Variants in NRXN1 observed in about 807,000 individuals in gnomAD.
NRXN1 encodes neurexin 1.
A neutral mutation model predicts 150.9 loss-of-function variants in NRXN1; 39 were observed. The observed-to-expected ratio is 0.26, with a 90% confidence interval of 0.20 to 0.34. The LOEUF is 0.34. NRXN1 is among the 10% of genes least tolerant of loss of function. The pLI is 1.00. For missense variants in NRXN1, 1,815 were observed against 1,949.9 expected (o/e 0.93, Z 1.30); for synonymous variants, 924 against 757.0 (o/e 1.22, Z -3.62).
chr2:51,028,266 GTCC>G lies in NRXN1; in HGVS notation c.5_7del (p.Gly2_Thr3delinsAla). ...ACAGCCCCCGCGCTGGAGCAGCGCC[GTCC>G]CCATGCTCGGGGCTGGGGTGCGGCG... On this transcript the variant is annotated inframe_deletion, in exon 2 of 23. Coordinates refer to ENST00000401669, the MANE Select transcript of NRXN1 (RefSeq NM_001330078.2). 1 of 1,447,288 alleles carries G rather than the reference GTCC, an allele frequency of 6.9e-7. No individual in the cohort carries two copies. The highest frequency in any genetic ancestry group is 1.5e-5 in the South Asian group (1 of 67,536). The allele number at this position is 1,447,288 out of a possible 1,614,324, so 89.7% of individuals were successfully genotyped here.
intron 17 of NRXN1, among the ~76,000 whole-genome samples, chr2:50,415,497 T>C (rs2083471264): frequency 6.6e-6 from 1 of 152,198 alleles, no homozygotes; most frequent in South Asian, 2.1e-4. Flanking sequence ...CCAACATTTC[T>C]AGCACACGCT....
intron 5 of NRXN1, among the ~76,000 whole-genome samples, chr2:50,721,050 C>T (rs1347480619): frequency 1.3e-5 from 2 of 152,254 alleles, no homozygotes; most frequent in East Asian, 1.9e-4. Flanking sequence ...ATGGATTTAT[C>T]CTGGAGCACT....
intron 17 of NRXN1, among the ~76,000 whole-genome samples, chr2:50,251,187 T>C (rs2067031043): frequency 6.6e-6 from 1 of 151,942 alleles, no homozygotes; most frequent in African/African-American, 2.4e-5. Context: ...TCTCTCCCCC[T>C]GGCTCCCTGA....
chr2:50,623,241 A>C, intron 6 of NRXN1, 73 bp downstream of exon 6: 1 of 1,191,396 alleles, frequency 8.4e-7, no homozygotes, highest in Non-Finnish European at 1.2e-6. Flanking sequence ...ATGTTGTTAG[A>C]GTATTTAAGT....
chr2:50,945,090 T>C (rs1022583652), intron 2 of NRXN1, among the ~76,000 whole-genome samples: 12 of 152,180 alleles, frequency 7.9e-5, no homozygotes, highest in Non-Finnish European at 1.5e-4. Context: ...GGCCAGATAG[T>C]AAATATTTTA....
intron 9 of NRXN1, chr2:50,548,134 G>A (rs1195507704): frequency 1.3e-5 from 2 of 152,180 alleles, no homozygotes; most frequent in Non-Finnish European, 2.9e-5. Flanking sequence ...TTCTTGTCAA[G>A]AGCACACTTA....
chr2:50,101,918 A>C (rs1193457012), intron 18 of NRXN1, among the ~76,000 whole-genome samples: 1 of 152,012 alleles, frequency 6.6e-6, no homozygotes, highest in Non-Finnish European at 1.5e-5. Context: ...ATCCCAAGAG[A>C]AAAGCTGACA....
At chr2:50,339,131 A>G (rs2077381507) in intron 17 of NRXN1, among the ~76,000 whole-genome samples, 1 of 152,210 alleles carries the variant, frequency 6.6e-6, no homozygotes, top group Non-Finnish European at 1.5e-5. Context: ...TCATGGCATC[A>G]TGGCAGAAGT....
chr2:50,036,801 C>T (rs565857108), intron 21 of NRXN1, among the ~76,000 whole-genome samples: 58 of 152,188 alleles, frequency 3.8e-4, no homozygotes, highest in African/African-American at 1.2e-3. Context: ...GTGATTAAAC[C>T]GGCCTTTTGG....
At chr2:50,315,360 A>C (rs1168894641) in intron 17 of NRXN1, among the ~76,000 whole-genome samples, 3 of 152,132 alleles carry the variant, frequency 2.0e-5, no homozygotes, top group Admixed American at 6.6e-5. Flanking sequence ...GAGACAATGG[A>C]AACCATATTT....
intron 2 of NRXN1, among the ~76,000 whole-genome samples, chr2:50,951,690 T>G (rs1691361605): frequency 6.6e-6 from 1 of 152,062 alleles, no homozygotes. Flanking sequence ...AGCTTCATAT[T>G]CATGCTTCTT....
In NRXN1 at chr2:50,768,362, G is replaced by T. The variant is rs573994398; in HGVS notation, c.833-144747C>A. On this transcript the variant is annotated intron_variant, in intron 5 of 22. Transcript: ENST00000401669. Reference sequence around the variant, plus strand: ...CTTGCTCTATTGTGCAGGCTGGAGCGCAGTGGCATGATCACGACTCACTGG... The same window carrying T: ...CTTGCTCTATTGTGCAGGCTGGAGCTCAGTGGCATGATCACGACTCACTGG... 7.2e-5 allele frequency among the ~76,000 whole-genome samples: 11 copies of T among 152,150 alleles called. 1 individual carries two copies. Among genetic ancestry groups the T allele is most frequent in the African/African-American group, 2.4e-4 (10 of 41,540 alleles).
chr2:50,309,004 G>C (rs978112820), intron 17 of NRXN1, among the ~76,000 whole-genome samples: 1 of 152,180 alleles, frequency 6.6e-6, no homozygotes, highest in South Asian at 2.1e-4. Context: ...GAGCTGCCCA[G>C]TAAATATTAG....
intron 19 of NRXN1, among the ~76,000 whole-genome samples, chr2:50,064,040 T>C (rs1230784200): frequency 1.3e-5 from 2 of 152,242 alleles, no homozygotes; most frequent in East Asian, 1.9e-4. Flanking sequence ...CACCATTGGA[T>C]TGTGAGAGGA....
rs55865684 is a variant in NRXN1 at position 50,329,578 on chromosome 2, A to AGTGTGTGTGTGT, written c.3365-92620_3365-92609dup. Among the ~76,000 whole-genome samples the AGTGTGTGTGTGT allele has an allele frequency of 4.6e-3, 155 of 33,948 alleles. 2 individuals are homozygous for AGTGTGTGTGTGT. Among genetic ancestry groups the AGTGTGTGTGTGT allele is most frequent in the East Asian group, 0.012 (8 of 646 alleles). The allele number at this position is 33,948 out of a possible 152,430, so 22.3% of individuals were successfully genotyped here. ...AGATTAAACTATCATATATAACAGT[A>AGTGTGTGTGTGT]GTGTGTGTGTGTGTGTGTGTGTGTG... On this transcript the variant is annotated intron_variant, in intron 17 of 22. Transcript: ENST00000401669.
intron 10 of NRXN1, among the ~76,000 whole-genome samples, chr2:50,535,642 A>T (rs2093238082): frequency 6.6e-6 from 1 of 152,218 alleles, no homozygotes; most frequent in South Asian, 2.1e-4. Flanking sequence ...GGAAGGCGCT[A>T]AATTTAACTT....
intron 17 of NRXN1, among the ~76,000 whole-genome samples, chr2:50,392,098 C>T (rs1393904483): frequency 6.6e-6 from 1 of 152,104 alleles, no homozygotes; most frequent in Non-Finnish European, 1.5e-5. Context: ...CTGTTCATCA[C>T]CAATACAGCC....
At chr2:50,110,772 AT>A (rs1220218927) in intron 18 of NRXN1, among the ~76,000 whole-genome samples, 2 of 151,928 alleles carry the variant, frequency 1.3e-5, no homozygotes, top group African/African-American at 4.8e-5. Flanking sequence ...CTGATTAAAT[AT>A]TTTCCCCCTA....
chr2:50,275,548 C>T (rs2070326290), intron 17 of NRXN1, among the ~76,000 whole-genome samples: 1 of 151,854 alleles, frequency 6.6e-6, no homozygotes, highest in Admixed American at 6.6e-5. Flanking sequence ...TTACTATAGT[C>T]CCAGAACATA....
Sources: gnomAD v4.1 joint callset for allele counts (sites outside exome capture counted in the v4.1 genomes callset) on GRCh38, gnomAD v4.1.1 for gene constraint, MANE v1.5 for transcripts, NCBI Gene and HGNC (gene_info 2026-07-23, HGNC 2026-07-21) for gene names.